The following GPC6 variants were observed in gnomAD, a reference collection of about 807,000 sequenced individuals.
GPC6 encodes the protein glypican 6, also known as glypican-6.
In GPC6, 14 loss-of-function variants were observed where a neutral mutation model predicts 55.2. That is an observed-to-expected ratio of 0.25 (90% CI 0.17 to 0.40). The LOEUF is 0.40. Among genes scored for constraint, GPC6 ranks in the 10% least tolerant of loss-of-function variants. The probability of loss-of-function intolerance (pLI) is 1.00; values close to 1 mark genes in which losing one functional copy is unlikely to be tolerated. For synonymous variants in GPC6, 278 were observed against 259.6 expected (o/e 1.07, Z -0.68); for missense variants, 641 against 708.5 (o/e 0.90, Z 1.08).
chr13:94,128,487 G>GA (rs1369453891), intron 4 of GPC6, among the ~76,000 whole-genome samples: 2 of 152,138 alleles, frequency 1.3e-5, no homozygotes, highest in African/African-American at 4.8e-5. Context: ...GTCAGGTGGG[G>GA]ACGCTACACT....
chr13:93,246,585 A>C (rs1343563310), intron 1 of GPC6, among the ~76,000 whole-genome samples: 1 of 151,982 alleles, frequency 6.6e-6, no homozygotes, highest in Admixed American at 6.6e-5. Flanking sequence ...AACAAAAGCC[A>C]CTATGATTGA....
At chr13:94,353,195 T>G (rs903416517) in intron 6 of GPC6, among the ~76,000 whole-genome samples, 14 of 152,152 alleles carry the variant, frequency 9.2e-5, no homozygotes, top group Admixed American at 7.9e-4. Flanking sequence ...GCGACTTTCT[T>G]CTGCTGAACC....
At chr13:93,467,397 G>T (rs1878945970) in intron 1 of GPC6, among the ~76,000 whole-genome samples, 1 of 152,096 alleles carries the variant, frequency 6.6e-6, no homozygotes, top group Admixed American at 6.6e-5. Flanking sequence ...TGAAAGCTAT[G>T]TCCATGGGAT....
intron 1 of GPC6, among the ~76,000 whole-genome samples, chr13:93,249,020 G>T (rs989075434): frequency 2.0e-5 from 3 of 152,124 alleles, no homozygotes; most frequent in Admixed American, 1.3e-4. Flanking sequence ...CTCCCTGAAA[G>T]AATCATTGTT....
intron 3 of GPC6, among the ~76,000 whole-genome samples, chr13:93,858,684 T>C (rs957233528): frequency 6.6e-6 from 1 of 151,558 alleles, no homozygotes; most frequent in African/African-American, 2.4e-5. Flanking sequence ...AGTAACAGTT[T>C]GCAAAAGAGT....
intron 1 of GPC6, among the ~76,000 whole-genome samples, chr13:93,378,582 G>T (rs1235572405): frequency 1.3e-5 from 2 of 152,062 alleles, no homozygotes; most frequent in Non-Finnish European, 2.9e-5. Context: ...GTAGACTTGT[G>T]GTTCTCAGCC....
chr13:94,341,489 G>A (rs1191785734), intron 6 of GPC6, among the ~76,000 whole-genome samples: 2 of 151,900 alleles, frequency 1.3e-5, no homozygotes, highest in African/African-American at 2.4e-5. Flanking sequence ...GGGAGGCTGA[G>A]GCAGGAGAAT....
intron 2 of GPC6, among the ~76,000 whole-genome samples, chr13:93,786,241 A>C (rs1391368905): frequency 1.3e-5 from 2 of 152,170 alleles, no homozygotes; most frequent in African/African-American, 4.8e-5. Flanking sequence ...AGTGTAATGA[A>C]GCGAAAACAC....
intron 4 of GPC6, among the ~76,000 whole-genome samples, chr13:94,154,612 T>C (rs746815602): frequency 1.3e-5 from 2 of 152,150 alleles, no homozygotes; most frequent in Non-Finnish European, 2.9e-5. Flanking sequence ...TCAAAAGACC[T>C]TGGCCGAAGT....
chr13:93,497,446 G>A (rs750130567), intron 1 of GPC6, among the ~76,000 whole-genome samples: 3 of 152,162 alleles, frequency 2.0e-5, no homozygotes, highest in Non-Finnish European at 4.4e-5. Flanking sequence ...AAGACGATGA[G>A]GTCTGCCTGG....
At chr13:93,782,480 C>T (rs868695760) in intron 2 of GPC6, among the ~76,000 whole-genome samples, 19 of 152,028 alleles carry the variant, frequency 1.2e-4, no homozygotes, top group South Asian at 1.0e-3. Flanking sequence ...TATAGTAGTT[C>T]GATTTTTGAG....
intron 4 of GPC6, among the ~76,000 whole-genome samples, chr13:94,149,484 A>G (rs2138893021): frequency 1.3e-5 from 2 of 152,302 alleles, no homozygotes; most frequent in East Asian, 1.9e-4. Context: ...GTGCGATAGT[A>G]TGAACTGCTA....
chr13:94,083,328 C>T (rs912694748), intron 4 of GPC6, among the ~76,000 whole-genome samples: 37 of 152,134 alleles, frequency 2.4e-4, no homozygotes, highest in African/African-American at 8.2e-4. Context: ...CCGTGTTAGC[C>T]AGGATGGTCT....
chr13:93,744,961 C>G (rs1000776972), intron 2 of GPC6, among the ~76,000 whole-genome samples: 4 of 151,546 alleles, frequency 2.6e-5, no homozygotes, highest in Non-Finnish European at 5.9e-5. Context: ...ATATATATCT[C>G]AAATCCATTT....
At chr13:93,697,986 C>T (rs41486244) in intron 2 of GPC6, among the ~76,000 whole-genome samples, 3 of 152,086 alleles carry the variant, frequency 2.0e-5, no homozygotes, top group Admixed American at 2.0e-4. Context: ...GGCCTTCAAC[C>T]ATATCTCTAA....
intron 2 of GPC6, among the ~76,000 whole-genome samples, chr13:93,744,721 C>T (rs180804156): frequency 2.0e-5 from 3 of 151,270 alleles, no homozygotes; most frequent in Admixed American, 6.6e-5. Flanking sequence ...AGGTGGATCA[C>T]GAGTTCGAGA....
At chr13:93,395,657 A>G (rs1875819412) in intron 1 of GPC6, 1 of 156,054 alleles carries the variant, frequency 6.4e-6, no homozygotes, top group Non-Finnish European at 1.4e-5. Context: ...CACCTTCTTC[A>G]CAGTGGCATA....
chr13:93,830,414 A>G lies in GPC6; in HGVS notation c.580A>G (p.Thr194Ala). 1.2e-6 allele frequency: 2 copies of G among 1,613,900 alleles called. No homozygotes were observed. The highest frequency in any genetic ancestry group is 1.7e-6 in the Non-Finnish European group (2 of 1,179,934). Residue 194 changes from threonine (T) to alanine (A), a missense_variant, in exon 3 of 9, where the codon ACT becomes GCT. Coordinates refer to ENST00000377047, the MANE Select transcript of GPC6 (RefSeq NM_005708.5). ...CTACCTGGAATGTGTGAGCAAATAC[A>G]CTGACCAGCTCAAGCCATTTGGAGA... Reference protein sequence around the residue: ...EDYLECVSKYTDQLKPFGDVP... With the variant: ...EDYLECVSKYADQLKPFGDVP...
intron 4 of GPC6, among the ~76,000 whole-genome samples, chr13:94,201,047 A>G (rs1230902067): frequency 1.3e-5 from 2 of 152,210 alleles, no homozygotes; most frequent in Non-Finnish European, 2.9e-5. Flanking sequence ...TGCTCCTTGG[A>G]AAACTGTAAC....
Sources: allele counts gnomAD v4.1 joint callset (sites outside exome capture counted in the v4.1 genomes callset), GRCh38; gene constraint gnomAD v4.1.1; transcripts MANE v1.5; gene names NCBI Gene and HGNC (gene_info 2026-07-23, HGNC 2026-07-21).